Variants in ROR2 observed in about 807,000 individuals in gnomAD.
The protein encoded by ROR2 is tyrosine-protein kinase transmembrane receptor ROR2.
In ROR2, 33 loss-of-function variants were observed where a neutral mutation model predicts 74.9. The ratio of observed to expected loss-of-function variants is 0.44; its 90% CI spans 0.33 to 0.59. The LOEUF is 0.59. Among genes scored for constraint, ROR2 ranks in the 20% least tolerant of loss-of-function variants. The pLI is 0.02. For synonymous variants in ROR2, 586 were observed against 558.7 expected (o/e 1.05, Z -0.69); for missense variants, 1,216 against 1,313.8 (o/e 0.93, Z 1.15).
intron 1 of ROR2, among the ~76,000 whole-genome samples, chr9:91,788,778 C>T (rs941500630): frequency 6.6e-6 from 1 of 150,672 alleles, no homozygotes; most frequent in Non-Finnish European, 1.5e-5. Context: ...GGTGGAGAAT[C>T]GCTTGAACCT....
chr9:91,775,772 A>G lies in ROR2; in HGVS notation c.144T>C (p.Asp48=). 2 of 1,614,216 alleles carry G rather than the reference A, an allele frequency of 1.2e-6. No homozygotes were observed. The highest frequency in any genetic ancestry group is 2.2e-5 in the South Asian group (2 of 91,076). The change falls in exon 2 of 9, where the codon GAT becomes GAC. Residue 48 remains aspartate (D), a synonymous_variant. Transcript: ENST00000375708. ...GAGTTGGAATCGGGCCGTCCTGCCC[A>G]TCAAGGGGTCCTAAAGGGTCGTTCG... is the stretch of plus-strand genomic sequence containing the variant. ...LDPNDPLGPL[D]GQDGPIPTLK...
chr9:91,775,878 T>A (rs1826403068), intron 1 of ROR2, 60 bp from the exon 2 acceptor site: 1 of 1,419,478 alleles, frequency 7.0e-7, no homozygotes, highest in South Asian at 1.2e-5. Context: ...GCCTTTAATT[T>A]GCTTCTTATG....
intron 1 of ROR2, among the ~76,000 whole-genome samples, chr9:91,891,706 G>A (rs1830424497): frequency 6.6e-6 from 1 of 152,134 alleles, no homozygotes; most frequent in Non-Finnish European, 1.5e-5. Context: ...GCCCCTCTCG[G>A]CTCCTGGAGG....
At chr9:91,900,437 A>G (rs1830646778) in intron 1 of ROR2, among the ~76,000 whole-genome samples, 1 of 152,202 alleles carries the variant, frequency 6.6e-6, no homozygotes, top group African/African-American at 2.4e-5. Flanking sequence ...GCGCGGGGCA[A>G]TCCTCCGGCT....
At chr9:91,899,806 ACACG>A (rs1435290201) in intron 1 of ROR2, among the ~76,000 whole-genome samples, 3 of 152,224 alleles carry the variant, frequency 2.0e-5, no homozygotes, top group African/African-American at 4.8e-5. Context: ...ACATGCACTC[ACACG>A]TACGCACACG....
chr9:91,831,832 G>C (rs1221346783), intron 1 of ROR2, among the ~76,000 whole-genome samples: 1 of 152,110 alleles, frequency 6.6e-6, no homozygotes, highest in East Asian at 1.9e-4. Context: ...AAAAAAGCAA[G>C]GGAAGGACTG....
intron 1 of ROR2, among the ~76,000 whole-genome samples, chr9:91,876,770 T>C (rs933155301): frequency 1.3e-5 from 2 of 151,770 alleles, no homozygotes; most frequent in Non-Finnish European, 2.9e-5. Context: ...AAAAGGAAAA[T>C]TCAACTGTAG....
intron 8 of ROR2, 67 bp downstream of exon 8, chr9:91,726,474 G>A: frequency 7.2e-7 from 1 of 1,395,188 alleles, no homozygotes; most frequent in Non-Finnish European, 1.0e-6. Flanking sequence ...TTTAATGTTG[G>A]GGGAAACAAC....
At chr9:91,885,270 G>A (rs541517593) in intron 1 of ROR2, among the ~76,000 whole-genome samples, 54 of 152,240 alleles carry the variant, frequency 3.5e-4, no homozygotes, top group Admixed American at 2.1e-3. Context: ...AAAGGGCACC[G>A]GAAAACTTTA....
At chr9:91,799,174 C>G (rs994663883) in intron 1 of ROR2, among the ~76,000 whole-genome samples, 2 of 152,186 alleles carry the variant, frequency 1.3e-5, no homozygotes, top group Admixed American at 1.3e-4. Context: ...TCTCTCCCCA[C>G]CCTCTGGAAG....
chr9:91,915,820 T>C (rs562298637), intron 1 of ROR2, among the ~76,000 whole-genome samples: 36 of 152,302 alleles, frequency 2.4e-4, no homozygotes, highest in African/African-American at 8.2e-4. Context: ...AGAGCGCTAA[T>C]TGGTGCTTTT....
chr9:91,892,162 T>G (rs1415238827), intron 1 of ROR2, among the ~76,000 whole-genome samples: 1 of 152,006 alleles, frequency 6.6e-6, no homozygotes, highest in Non-Finnish European at 1.5e-5. Context: ...GCTCCTGTGA[T>G]GAAGCCAAAC....
chr9:91,764,855 A>T (rs1424178838), intron 2 of ROR2, among the ~76,000 whole-genome samples: 1 of 152,214 alleles, frequency 6.6e-6, no homozygotes, highest in African/African-American at 2.4e-5. Context: ...TTCGTTGGGT[A>T]TAGAATTTGA....
intron 1 of ROR2, among the ~76,000 whole-genome samples, chr9:91,851,285 G>T (rs1438740866): frequency 6.6e-6 from 1 of 151,128 alleles, no homozygotes; most frequent in Admixed American, 6.6e-5. Context: ...CCGGGAGGTG[G>T]AGCTAGCAGT....
chr9:91,766,993 C>G (rs1277909723), intron 2 of ROR2, among the ~76,000 whole-genome samples: 2 of 152,288 alleles, frequency 1.3e-5, no homozygotes, highest in South Asian at 4.1e-4. Context: ...GAGCTGAGTC[C>G]AAGCATCAAA....
chr9:91,921,015 C>T (rs934252336), intron 1 of ROR2, among the ~76,000 whole-genome samples: 9 of 152,248 alleles, frequency 5.9e-5, no homozygotes, highest in Non-Finnish European at 1.2e-4. Flanking sequence ...AGTATCATTG[C>T]CAACAAACTG....
intron 1 of ROR2, among the ~76,000 whole-genome samples, chr9:91,920,312 C>T (rs899416808): frequency 8.5e-5 from 13 of 152,104 alleles, no homozygotes; most frequent in Non-Finnish European, 1.5e-4. Flanking sequence ...TAATGATCAG[C>T]CCTGGCAACA....
At chr9:91,877,971 AG>A (rs955742132) in intron 1 of ROR2, among the ~76,000 whole-genome samples, 2 of 152,206 alleles carry the variant, frequency 1.3e-5, no homozygotes, top group Non-Finnish European at 2.9e-5. Context: ...AGGCTAACAA[AG>A]AAAGGGTTTA....
intron 1 of ROR2, among the ~76,000 whole-genome samples, chr9:91,782,736 A>G (rs373873446): frequency 1.3e-5 from 2 of 152,202 alleles, no homozygotes; most frequent in African/African-American, 2.4e-5. Context: ...ACCTCCATCA[A>G]CCAGGAATCC....
Sources: gnomAD v4.1 joint callset for allele counts (sites outside exome capture counted in the v4.1 genomes callset) on GRCh38, gnomAD v4.1.1 for gene constraint, MANE v1.5 for transcripts, NCBI Gene and HGNC (gene_info 2026-07-23, HGNC 2026-07-21) for gene names.